Variants in XPR1 observed in about 807,000 individuals in gnomAD.
The protein encoded by XPR1 is solute carrier family 53 member 1.
In XPR1, 28 loss-of-function variants were observed where a neutral mutation model predicts 87.5. The ratio of observed to expected loss-of-function variants is 0.32; its 90% CI spans 0.24 to 0.44. XPR1 has a LOEUF of 0.44. Ranked by LOEUF, XPR1 falls within the 20% of genes least tolerant of loss-of-function variation. The probability of loss-of-function intolerance (pLI) is 1.00; values close to 1 mark genes in which losing one functional copy is unlikely to be tolerated. For missense variants in XPR1, 559 were observed against 862.3 expected, an observed-to-expected ratio of 0.65 and a Z score of 4.41; for synonymous variants, 300 against 306.1, an observed-to-expected ratio of 0.98 and a Z score of 0.21.
At chr1:180,882,719 C>T (rs1316374576) in intron 14 of XPR1, among the ~76,000 whole-genome samples, 2 of 152,132 alleles carry the variant, frequency 1.3e-5, no homozygotes, top group African/African-American at 4.8e-5. Flanking sequence ...ATGTGCTTCA[C>T]TGTAATTTCA....
chr1:180,762,361 T>C (rs1648075288), intron 2 of XPR1, among the ~76,000 whole-genome samples: 2 of 152,110 alleles, frequency 1.3e-5, no homozygotes, highest in African/African-American at 4.8e-5. Context: ...AAATATAAAC[T>C]GTTGAAGTTC....
chr1:180,671,001 T>C (rs1324733849), intron 1 of XPR1, among the ~76,000 whole-genome samples: 2 of 152,182 alleles, frequency 1.3e-5, no homozygotes, highest in Admixed American at 1.3e-4. Flanking sequence ...GGATTCCAGG[T>C]GGAGGCAACA....
intron 13 of XPR1, among the ~76,000 whole-genome samples, chr1:180,875,638 A>G (rs141507501): frequency 6.6e-6 from 1 of 152,252 alleles, no homozygotes; most frequent in African/African-American, 2.4e-5. Flanking sequence ...ATATATCAGA[A>G]AAGTATATAG....
intron 2 of XPR1, among the ~76,000 whole-genome samples, chr1:180,735,708 G>A (rs1288035311): frequency 1.3e-5 from 2 of 152,180 alleles, no homozygotes; most frequent in Admixed American, 1.3e-4. Flanking sequence ...AAATAAGATA[G>A]TTAAGAATAA....
At chr1:180,791,378 C>T (rs895478078) in intron 3 of XPR1, among the ~76,000 whole-genome samples, 2 of 152,042 alleles carry the variant, frequency 1.3e-5, no homozygotes, top group African/African-American at 2.4e-5. Context: ...TTCAAGTGAT[C>T]CTCCTGCCTC....
At chr1:180,873,329 C>T (rs576505573) in intron 12 of XPR1, among the ~76,000 whole-genome samples, 1 of 152,296 alleles carries the variant, frequency 6.6e-6, no homozygotes, top group South Asian at 2.1e-4. Context: ...ATTTCATTCA[C>T]ATCAAAAAGC....
chr1:180,685,924 T>C (rs1273119141), intron 2 of XPR1, among the ~76,000 whole-genome samples: 3 of 152,164 alleles, frequency 2.0e-5, no homozygotes, highest in Non-Finnish European at 2.9e-5. Context: ...TTTGTTGATC[T>C]TTTCAAAAAA....
At chr1:180,702,888 A>C (rs1657400238) in intron 2 of XPR1, among the ~76,000 whole-genome samples, 1 of 151,906 alleles carries the variant, frequency 6.6e-6, no homozygotes, top group Admixed American at 6.6e-5. Flanking sequence ...TGATATCTGC[A>C]CCTCTGATTT....
At chr1:180,808,548 A>G (rs1012053815) in intron 6 of XPR1, among the ~76,000 whole-genome samples, 2 of 152,184 alleles carry the variant, frequency 1.3e-5, no homozygotes, top group Non-Finnish European at 2.9e-5. Flanking sequence ...TTTATAAAAC[A>G]TATCTGTTAA....
At chr1:180,691,787 T>C (rs146659225) in intron 2 of XPR1, among the ~76,000 whole-genome samples, 1 of 152,262 alleles carries the variant, frequency 6.6e-6, no homozygotes, top group East Asian at 1.9e-4. Context: ...TACGCTTCAA[T>C]GGACAGGGTC....
chr1:180,705,023 T>C (rs1363460675), intron 2 of XPR1, among the ~76,000 whole-genome samples: 1 of 151,782 alleles, frequency 6.6e-6, no homozygotes, highest in African/African-American at 2.4e-5. Context: ...AATTCTTTAT[T>C]CTTTAAAGCT....
intron 2 of XPR1, among the ~76,000 whole-genome samples, chr1:180,752,143 G>A (rs7550031): frequency 0.81 from 123,825 of 152,156 alleles, 50,818 homozygotes; most frequent in East Asian, 0.95. Flanking sequence ...GGCATGAATT[G>A]ACACTCACTC....
intron 9 of XPR1, among the ~76,000 whole-genome samples, chr1:180,834,671 C>T (rs1651209449): frequency 6.6e-6 from 1 of 152,084 alleles, no homozygotes; most frequent in Admixed American, 6.6e-5. Flanking sequence ...CCTTTACTTC[C>T]TTTCTTAGTT....
chr1:180,810,088 C>T (rs998568841), intron 6 of XPR1, among the ~76,000 whole-genome samples: 1 of 152,136 alleles, frequency 6.6e-6, no homozygotes, highest in African/African-American at 2.4e-5. Flanking sequence ...GATTATCTCT[C>T]TCTGTGTTTC....
chr1:180,798,932 A>G (rs1364006635), intron 3 of XPR1, among the ~76,000 whole-genome samples: 1 of 152,124 alleles, frequency 6.6e-6, no homozygotes, highest in East Asian at 1.9e-4. Context: ...TTTTCCATTA[A>G]CATATATTAT....
chr1:180,683,339 C>T (rs1482882037), intron 2 of XPR1, among the ~76,000 whole-genome samples: 5 of 151,696 alleles, frequency 3.3e-5, no homozygotes, highest in Admixed American at 3.3e-4. Flanking sequence ...TGTATCTGTG[C>T]CACATTTTCT....
Position 180,825,231 on chromosome 1 carries a change from G to A in XPR1, c.1021G>A (p.Val341Ile). ...LLACFFAPISVIPTYVYPLAL... is the reference protein window; with the variant it reads ...LLACFFAPISIIPTYVYPLAL... ...GGCATGCTTCTTTGCTCCAATTAGT[G>A]TCATCCCCACATATGTGTATCCACT... is the stretch of plus-strand genomic sequence containing the variant. Residue 341 changes from valine to isoleucine, a missense_variant, in exon 9 of 15, where the codon GTC (valine) becomes ATC (isoleucine). Around this residue, in one of 7 missense-constraint regions of XPR1, gnomAD observed 264 missense variants for 377.2 expected, o/e 0.70. Transcript: ENST00000367590. The A allele has an allele frequency of 2.5e-6, 4 of 1,613,914 alleles. No individual in the cohort carries two copies. The highest frequency in any genetic ancestry group is 2.5e-6 in the Non-Finnish European group (3 of 1,179,920).
chr1:180,863,639 T>C (rs1652291169), intron 11 of XPR1, 69 bp from the exon 12 acceptor site: 2 of 1,380,236 alleles, frequency 1.4e-6, no homozygotes, highest in African/African-American at 1.5e-5. Context: ...TTTTAATTAG[T>C]GTTATTAATG....
At chr1:180,680,657 C>T (rs537133549) in intron 1 of XPR1, among the ~76,000 whole-genome samples, 14 of 152,212 alleles carry the variant, frequency 9.2e-5, no homozygotes, top group African/African-American at 2.4e-4. Flanking sequence ...GCACTGCGCC[C>T]GGCCCAAATA....
Sources: gnomAD v4.1 joint callset for allele counts (sites outside exome capture counted in the v4.1 genomes callset) on GRCh38, gnomAD v4.1.1 for gene constraint, gnomAD v4.1.1 regional missense constraint, MANE v1.5 for transcripts, NCBI Gene and HGNC (gene_info 2026-07-23, HGNC 2026-07-21) for gene names.